COX5A: variants seen among roughly 807,000 people sequenced by gnomAD.
The protein encoded by COX5A is cytochrome c oxidase subunit 5A, also known as cytochrome c oxidase subunit 5A, mitochondrial.
In COX5A, 6 loss-of-function variants were observed where a neutral mutation model predicts 16.1. The ratio of observed to expected loss-of-function variants is 0.37; its 90% confidence interval spans 0.20 to 0.73. The LOEUF is 0.73. Among genes scored for constraint, COX5A ranks in the 30% least tolerant of loss-of-function variants. COX5A has a pLI of 0.50. For missense variants in COX5A, 159 were observed against 194.9 expected, an observed-to-expected ratio of 0.82 and a Z score of 1.10; for synonymous variants, 73 against 73.8, an observed-to-expected ratio of 0.99 and a Z score of 0.06.
chr15:74,930,489 A>G lies in COX5A; in HGVS notation c.101-1257T>C, dbSNP rs1456051439. 8.7e-5 allele frequency among the ~76,000 whole-genome samples: 13 copies of G among 149,322 alleles called. No homozygotes were observed. The South Asian group carries it at 1.5e-3, about 17-fold the overall frequency. ...AAAGCAACAAAAAAAAAAAACTAAG[A>G]GCAATACTAATGTCCATTCAAGTTC... On this transcript the variant is annotated intron_variant, in intron 1 of 4. Transcript: ENST00000322347.
rs574047182 is a variant in COX5A, at chr15:74,927,410, C to T, written c.218-523G>A. 1.8e-3 allele frequency among the ~76,000 whole-genome samples: 274 copies of T among 152,092 alleles called. 1 individual carries two copies. The highest frequency in any genetic ancestry group is 6.3e-3 in the African/African-American group (261 of 41,522). On this transcript the variant is annotated intron_variant, in intron 2 of 4. Transcript: ENST00000322347. ...CTGGCTGGCCTTGAACTCCTGACCT[C>T]GTGATCCACCTGCCTCGGCCTCCCA...
At position 74,937,992 on chromosome 15, in the gene COX5A, C is replaced by T; in HGVS notation, c.23G>A (p.Arg8His). 4.1e-6 allele frequency: 5 copies of T among 1,231,958 alleles called. No homozygotes were observed. The highest frequency in any genetic ancestry group is 5.1e-6 in the Non-Finnish European group (5 of 987,866). The allele number at this position is 1,231,958 out of a possible 1,614,324, so 76.3% of individuals were successfully genotyped here. Residue 8 changes from arginine to histidine, a missense_variant, in exon 1 of 5, where the codon CGC (arginine) becomes CAC (histidine). By Grantham distance (29) the Arg-to-His change is conservative (BLOSUM62 0). Transcript: ENST00000322347. The stretch of plus-strand genomic sequence containing the variant: ...CCGGGTGGTTGCGGCCACAGCGCAG[C>T]GGCGGAGAGCGGCGCCCAGCATGAC... MLGAALR[R>H]CAVAATTRAD...
intron 3 of COX5A, among the ~76,000 whole-genome samples, chr15:74,924,939 T>G (rs985561358): frequency 6.6e-6 from 1 of 152,206 alleles, no homozygotes; most frequent in Admixed American, 6.5e-5. Flanking sequence ...AGAATACATA[T>G]GTCCAGGGCT....
intron 1 of COX5A, 104 bp downstream of exon 1, chr15:74,937,811 T>C: frequency 1.5e-6 from 1 of 684,696 alleles, no homozygotes; most frequent in Non-Finnish European, 2.0e-6. Flanking sequence ...GTAACCAGGG[T>C]AGGGCAAGGG....
At chr15:74,925,468 A>T (rs1447706025) in intron 3 of COX5A, among the ~76,000 whole-genome samples, 1 of 149,372 alleles carries the variant, frequency 6.7e-6, no homozygotes, top group East Asian at 2.0e-4. Context: ...GGCTCACTGT[A>T]ACCTCTGCCT....
chr15:74,922,399 A>G (rs2065325269), intron 4 of COX5A, among the ~76,000 whole-genome samples: 1 of 152,098 alleles, frequency 6.6e-6, no homozygotes, highest in Non-Finnish European at 1.5e-5. Context: ...AAAAAAAAAA[A>G]AATCTTAAAA....
At chr15:74,935,080 C>G (rs899332376) in intron 1 of COX5A, among the ~76,000 whole-genome samples, 1 of 152,150 alleles carries the variant, frequency 6.6e-6, no homozygotes, top group Admixed American at 6.5e-5. Context: ...TCAACCCTGA[C>G]AGGCCCAAAG....
At position 74,937,473 on chromosome 15, in the gene COX5A, T is replaced by C. The variant is rs183197606; in HGVS notation, c.100+442A>G. Among the ~76,000 whole-genome samples, 38 of 152,218 alleles carry C rather than the reference T, an allele frequency of 2.5e-4. No individual in the cohort carries two copies. The East Asian group carries it at 7.0e-3, about 28-fold the overall frequency. On this transcript the variant is annotated intron_variant, in intron 1 of 4. Coordinates refer to ENST00000322347, the MANE Select transcript of COX5A (RefSeq NM_004255.4). ...CCGAGAAATGCCTGATTGAAAAGTA[T>C]AATCGTGTGTCCCATACGGAAGTAT... is the stretch of plus-strand genomic sequence containing the variant.
intron 1 of COX5A, among the ~76,000 whole-genome samples, chr15:74,930,122 T>A (rs1156373383): frequency 2.5e-5 from 3 of 120,470 alleles, no homozygotes; most frequent in East Asian, 2.7e-4. Context: ...AAACAAAAAC[T>A]AAAAAACTAA....
intron 1 of COX5A, among the ~76,000 whole-genome samples, chr15:74,929,525 A>T (rs954549837): frequency 2.0e-5 from 3 of 152,336 alleles, no homozygotes; most frequent in African/African-American, 4.8e-5. Flanking sequence ...AACAGTGATT[A>T]TCATGGGACG....
At chr15:74,924,628 A>C (rs1304431831) in intron 3 of COX5A, among the ~76,000 whole-genome samples, 1 of 152,242 alleles carries the variant, frequency 6.6e-6, no homozygotes, top group East Asian at 1.9e-4. Context: ...GACTAAATCC[A>C]GAACATCTTA....
At chr15:74,929,530 G>A (rs766824978) in intron 1 of COX5A, among the ~76,000 whole-genome samples, 9 of 152,088 alleles carry the variant, frequency 5.9e-5, no homozygotes, top group Non-Finnish European at 1.3e-4. Flanking sequence ...TGATTATCAT[G>A]GGACGTAAAA....
At position 74,926,853 on chromosome 15, in the gene COX5A, T is replaced by C. The variant is rs542455445; in HGVS notation, c.252A>G (p.Pro84=). 4.2e-5 allele frequency: 67 copies of C among 1,613,988 alleles called. No homozygotes were observed. The South Asian group carries it at 6.6e-4, about 16-fold the overall frequency. Residue 84 remains proline, a synonymous_variant, in exon 3 of 5, where the codon CCA becomes CCG. Transcript: ENST00000322347. ...INTLVTYDMV[P]EPKIIDAALR... is the part of the protein sequence containing the mutation. ...AAGCAGCATCAATGATTTTGGGCTC[T>C]GGAACCATATCATAGGTAACAAGTG... is the stretch of plus-strand genomic sequence containing the variant.
chr15:74,931,929 G>A (rs1267541762), intron 1 of COX5A, among the ~76,000 whole-genome samples: 1 of 152,166 alleles, frequency 6.6e-6, no homozygotes, highest in African/African-American at 2.4e-5. Context: ...ACAGCCTCTG[G>A]AACAGGTAGG....
intron 4 of COX5A, among the ~76,000 whole-genome samples, chr15:74,920,845 G>C (rs967809487): frequency 1.3e-5 from 2 of 151,946 alleles, no homozygotes; most frequent in African/African-American, 4.8e-5. Context: ...TGGTGTGGTG[G>C]CCCATGCCTG....
chr15:74,927,394 C>T (rs552329873), intron 2 of COX5A, among the ~76,000 whole-genome samples: 2 of 152,186 alleles, frequency 1.3e-5, no homozygotes, highest in East Asian at 1.9e-4. Context: ...CCTGGCTGGC[C>T]TTGAACTCCT....
chr15:74,930,235 T>C (rs1179264827), intron 1 of COX5A, among the ~76,000 whole-genome samples: 2 of 151,058 alleles, frequency 1.3e-5, no homozygotes, highest in African/African-American at 4.9e-5. Flanking sequence ...CTGGCCAACA[T>C]GGTGAAACCC....
chr15:74,920,459 AAAG>A lies in COX5A; in HGVS notation c.*10-20_*10-18del, dbSNP rs1330650445. 1.5e-6 allele frequency: 1 copy of A among 689,480 alleles called. No homozygotes were observed. The highest frequency in any genetic ancestry group is 2.7e-5 in the East Asian group (1 of 37,138). The allele number at this position is 689,480 out of a possible 1,614,324, so 42.7% of individuals were successfully genotyped here. A position where few individuals can be genotyped will look rare whatever the true frequency, so the allele number is the denominator to read the frequency against. ...GAAGCCCATCTGTAAGAGAAAACAC[AAAG>A]AATTAGCCAGGAAAGAATAAAGAAA... On this transcript the variant is annotated intron_variant, in intron 4 of 4. Transcript: ENST00000322347.
chr15:74,932,825 T>C (rs1006730273), intron 1 of COX5A, among the ~76,000 whole-genome samples: 1 of 151,848 alleles, frequency 6.6e-6, no homozygotes, highest in African/African-American at 2.4e-5. Context: ...GCCTCCCAAG[T>C]AGCTGGGATT....
Sources: gnomAD v4.1 joint callset for allele counts (sites outside exome capture counted in the v4.1 genomes callset) on GRCh38, gnomAD v4.1.1 for gene constraint, MANE v1.5 for transcripts, NCBI Gene and HGNC (gene_info 2026-07-23, HGNC 2026-07-21) for gene names.